TENM1: variants seen among roughly 807,000 people sequenced by gnomAD.
The protein encoded by TENM1 is teneurin transmembrane protein 1, also known as teneurin-1.
Under a neutral mutation model 174.8 loss-of-function variants are expected in TENM1, and 35 were observed. The observed-to-expected ratio is 0.20, with a 90% confidence interval of 0.15 to 0.27. The LOEUF (loss-of-function observed/expected upper bound fraction) is 0.27. TENM1 is among the 10% of genes least tolerant of loss of function. The probability of loss-of-function intolerance (pLI) is 1.00; values close to 1 mark genes in which losing one functional copy is unlikely to be tolerated. For synonymous variants in TENM1, 781 were observed against 798.7 expected (o/e 0.98, Z 0.37); for missense variants, 1,633 against 2,130.1 (o/e 0.77, Z 4.59).
the TENM1 span, among the ~76,000 whole-genome samples, chrX:125,003,763 C>T: frequency 9.0e-6 from 1 of 111,657 alleles, no homozygotes; most frequent in East Asian, 2.8e-4. Context: ...ATAGAATATC[C>T]TTGTCACAAA....
chrX:124,390,344 C>CT (rs772265699), intron 28 of TENM1, among the ~76,000 whole-genome samples: 3 of 111,797 alleles, frequency 2.7e-5, no homozygotes, highest in African/African-American at 6.5e-5. Context: ...AAGGGAAAGT[C>CT]TTTTTTTTAT....
At chrX:124,384,054 G>A (rs777685442) in exon 30 of TENM1, 9 of 1,211,406 alleles carry the variant, frequency 7.4e-6, no homozygotes, top group Non-Finnish European at 1.0e-5. Context: ...GAGCTTGTGT[G>A]GTTGTACAAA....
intron 8 of TENM1, among the ~76,000 whole-genome samples, chrX:124,650,520 T>C (rs1331011730): frequency 9.0e-6 from 1 of 111,643 alleles, no homozygotes; most frequent in Non-Finnish European, 1.9e-5. Context: ...CTGGGTCTAT[T>C]GATTTTTGGA....
chrX:124,652,589 T>C (rs867471114), intron 7 of TENM1, among the ~76,000 whole-genome samples: 24 of 112,062 alleles, frequency 2.1e-4, no homozygotes, highest in Admixed American at 9.5e-4. Flanking sequence ...TACTAAAGCA[T>C]CTGATAGAAG....
the TENM1 span, among the ~76,000 whole-genome samples, chrX:125,055,822 A>C: frequency 8.9e-6 from 1 of 111,830 alleles, no homozygotes; most frequent in African/African-American, 3.3e-5. Flanking sequence ...CTTATAAGAA[A>C]AAAATTGTTG....
At chrX:124,395,912 A>G (rs1194773678) in intron 27 of TENM1, among the ~76,000 whole-genome samples, 1 of 112,063 alleles carries the variant, frequency 8.9e-6, no homozygotes, top group Non-Finnish European at 1.9e-5. Context: ...TTTCCAGTTC[A>G]ACTAAATTTG....
rs534348447 is a variant in TENM1 at position 124,525,211 on chromosome X, A to C, written c.2772-1586T>G. 7.7e-4 allele frequency among the ~76,000 whole-genome samples: 87 copies of C among 112,650 alleles called. No homozygotes were observed. The South Asian group carries it at 0.031, about 40-fold the overall frequency. ...TGTTTTTTATTGCTGCTTTTTCAGTAAAGTAGCTTAATATTAAGGCAGTTT... is the reference window on the plus strand; with the variant it reads ...TGTTTTTTATTGCTGCTTTTTCAGTCAAGTAGCTTAATATTAAGGCAGTTT... On this transcript the variant is annotated intron_variant, in intron 16 of 31. Transcript: ENST00000422452.
intron 27 of TENM1, among the ~76,000 whole-genome samples, chrX:124,404,036 G>A (rs1260635422): frequency 8.9e-6 from 1 of 112,043 alleles, no homozygotes; most frequent in Non-Finnish European, 1.9e-5. Context: ...GTCCAAGTGT[G>A]CACTCACCAT....
At chrX:125,058,396 G>T in the TENM1 span, among the ~76,000 whole-genome samples, 1 of 111,565 alleles carries the variant, frequency 9.0e-6, no homozygotes, top group African/African-American at 3.2e-5. Context: ...ATTGTATATG[G>T]CAATGCGGCA....
At chrX:124,653,482 C>T in intron 7 of TENM1, 102 bp downstream of exon 10, 1 of 623,147 alleles carries the variant, frequency 1.6e-6, no homozygotes, top group Non-Finnish European at 2.5e-6. Context: ...ATTTTTCTGT[C>T]CTTACCTTTG....
intron 4 of TENM1, among the ~76,000 whole-genome samples, chrX:124,711,442 T>C (rs2053047751): frequency 8.9e-6 from 1 of 111,986 alleles, no homozygotes; most frequent in Non-Finnish European, 1.9e-5. Context: ...AACAGATGCA[T>C]AAATAACCAA....
the TENM1 span, among the ~76,000 whole-genome samples, chrX:125,183,450 G>T: frequency 2.7e-5 from 3 of 111,860 alleles, no homozygotes; most frequent in African/African-American, 9.8e-5. Flanking sequence ...GTTTTAATAT[G>T]AACTCAATGC....
the TENM1 span, among the ~76,000 whole-genome samples, chrX:125,163,472 A>G: frequency 1.8e-5 from 2 of 111,291 alleles, no homozygotes; most frequent in Non-Finnish European, 3.8e-5. Context: ...TTAAGGATGG[A>G]GCAGTTCATG....
the TENM1 span, among the ~76,000 whole-genome samples, chrX:125,027,067 A>C: frequency 9.8e-5 from 11 of 112,182 alleles, no homozygotes; most frequent in Admixed American, 1.0e-3. Flanking sequence ...GGTCCAAGAC[A>C]ATGCAATAAA....
chrX:125,200,678 A>AGAGAGAGAGAGAGAGAG, the TENM1 span, among the ~76,000 whole-genome samples: 1 of 106,709 alleles, frequency 9.4e-6, no homozygotes, highest in African/African-American at 3.4e-5. Context: ...AGAGAGAGAG[A>AGAGAGAGAGAGAGAGAG]ACAAATATGA....
exon 32 of TENM1, chrX:124,378,153 G>A (rs1382622327): frequency 2.7e-5 from 3 of 111,663 alleles, no homozygotes; most frequent in Non-Finnish European, 3.8e-5. Context: ...AACCAAATAC[G>A]TATTACAAAC....
Position 124,500,996 on chromosome X carries a change from G to C in TENM1, c.3445+2564C>G, listed in dbSNP as rs747234784. On this transcript the variant is annotated intron_variant, in intron 19 of 31. Coordinates refer to ENST00000422452, the Ensembl canonical transcript of TENM1. ...GTCGGCAAACTACTGGCCTATTTTG[G>C]AGGATAAGTTAAAAGAAATTCTTTA... Among the ~76,000 whole-genome samples, 5 of 111,333 alleles carry C rather than the reference G, an allele frequency of 4.5e-5. No homozygotes were observed. In the East Asian group the frequency reaches 8.5e-4, roughly 19 times the overall value.
chrX:124,915,895 C>A (rs771948203), intron 1 of TENM1, among the ~76,000 whole-genome samples: 2 of 112,491 alleles, frequency 1.8e-5, no homozygotes, highest in Admixed American at 1.9e-4. Flanking sequence ...CAATAGAGAA[C>A]AACCAAAGGC....
At chrX:125,122,246 T>G in the TENM1 span, among the ~76,000 whole-genome samples, 1 of 111,878 alleles carries the variant, frequency 8.9e-6, no homozygotes. Flanking sequence ...AATATATTAA[T>G]GGTTAATATA....
Sources: allele counts gnomAD v4.1 joint callset (sites outside exome capture counted in the v4.1 genomes callset), GRCh38; gene constraint gnomAD v4.1.1; transcripts MANE v1.5; gene names NCBI Gene and HGNC (gene_info 2026-07-23, HGNC 2026-07-21).